TERF2: variants seen among roughly 807,000 people sequenced by gnomAD.
The protein encoded by TERF2 is telomeric repeat-binding factor 2.
A neutral mutation model predicts 56.1 loss-of-function variants in TERF2; 16 were observed. That is an observed-to-expected ratio of 0.29 (90% confidence interval 0.19 to 0.43). The LOEUF (loss-of-function observed/expected upper bound fraction) is 0.43, where lower values mean the gene tolerates loss of function less well. TERF2 is among the 20% of genes least tolerant of loss of function. The probability of loss-of-function intolerance (pLI) is 1.00; values close to 1 mark genes in which losing one functional copy is unlikely to be tolerated. For synonymous variants in TERF2, 296 were observed against 282.1 expected (o/e 1.05, Z -0.50); for missense variants, 547 against 712.9 (o/e 0.77, Z 2.65).
chr16:69,358,524 T>C (rs960940288), intron 8 of TERF2, among the ~76,000 whole-genome samples: 2 of 152,232 alleles, frequency 1.3e-5, no homozygotes, highest in South Asian at 2.1e-4. Flanking sequence ...CATATACATA[T>C]AGGTATTAGT....
intron 8 of TERF2, among the ~76,000 whole-genome samples, chr16:69,358,103 C>T (rs1265152783): frequency 1.3e-5 from 2 of 152,132 alleles, no homozygotes; most frequent in African/African-American, 4.8e-5. Context: ...AGCTCCGCCT[C>T]CCAGGCTCAC....
At chr16:69,367,226 T>C (rs574783684) in intron 6 of TERF2, 27 bp from the exon 7 acceptor site, 11 of 1,572,362 alleles carry the variant, frequency 7.0e-6, no homozygotes, top group South Asian at 7.0e-5. Context: ...GGCACAAAGA[T>C]GTTTTTCACC....
intron 1 of TERF2, 33 bp downstream of exon 1, chr16:69,385,560 G>GCGGC: frequency 3.3e-6 from 5 of 1,517,796 alleles, no homozygotes; most frequent in Non-Finnish European, 4.5e-6. Flanking sequence ...CTTCCCCGGC[G>GCGGC]CTCCAACCCC....
intron 1 of TERF2, 53 bp from the exon 2 acceptor site, chr16:69,385,539 C>T (rs746325050): frequency 4.4e-6 from 7 of 1,594,734 alleles, no homozygotes; most frequent in Non-Finnish European, 6.0e-6. Context: ...ACTCCCGGTC[C>T]CCCGGACCCC....
intron 8 of TERF2, among the ~76,000 whole-genome samples, chr16:69,358,850 C>T (rs561745066): frequency 6.6e-6 from 1 of 152,324 alleles, no homozygotes; most frequent in Admixed American, 6.5e-5. Context: ...GTCCTAATCC[C>T]CTTAATCTTA....
chr16:69,385,936 G>A lies in TERF2; in HGVS notation c.36C>T (p.Ser12=), dbSNP rs1228223349. ...CTGGGTCACGCACGACGCCCGGGCC[G>A]GAAGCGGGGCCCGCCGTCCCGGCTC... is the stretch of plus-strand genomic sequence containing the variant. The part of the protein sequence containing the change: ...AAGAGTAGPA[S]GPGVVRDPAA... Residue 12 remains serine, a synonymous_variant, in exon 1 of 10, where the codon TCC becomes TCT. Transcript: ENST00000254942. 1.5e-6 allele frequency: 2 copies of A among 1,366,230 alleles called. No individual in the cohort carries two copies. Among genetic ancestry groups the A allele is most frequent in the Non-Finnish European group, 1.9e-6 (2 of 1,058,740 alleles). The allele number at this position is 1,366,230 out of a possible 1,614,324, so 84.6% of individuals were successfully genotyped here. A position where few individuals can be genotyped will look rare whatever the true frequency, so the allele number is the denominator to read the frequency against.
chr16:69,361,154 G>A (rs930345114), intron 8 of TERF2, among the ~76,000 whole-genome samples: 2 of 151,572 alleles, frequency 1.3e-5, no homozygotes, highest in African/African-American at 4.9e-5. Context: ...GATCACTTGA[G>A]CCCAGAAGGT....
chr16:69,368,540 G>A, intron 5 of TERF2, 58 bp from the exon 6 acceptor site: 1 of 1,601,912 alleles, frequency 6.2e-7, no homozygotes, highest in Non-Finnish European at 8.5e-7. Flanking sequence ...TTAATTCTCT[G>A]CTTCTTTCAC....
chr16:69,359,496 C>T (rs1458572588), intron 8 of TERF2, among the ~76,000 whole-genome samples: 2 of 150,024 alleles, frequency 1.3e-5, no homozygotes, highest in African/African-American at 4.9e-5. Flanking sequence ...CCACTGCACC[C>T]CAGCCTGGGC....
At chr16:69,381,131 G>A (rs2013985917) in intron 3 of TERF2, among the ~76,000 whole-genome samples, 1 of 152,136 alleles carries the variant, frequency 6.6e-6, no homozygotes. Context: ...AATGTCAGTT[G>A]TTAATATTAC....
intron 5 of TERF2, chr16:69,368,695 G>T (rs1361773969): frequency 3.2e-6 from 4 of 1,247,096 alleles, no homozygotes; most frequent in African/African-American, 1.5e-5. Context: ...CATTTTTTTT[G>T]AGAGGGAGTC....
chr16:69,375,659 C>G (rs2013751892), intron 3 of TERF2, among the ~76,000 whole-genome samples: 1 of 152,056 alleles, frequency 6.6e-6, no homozygotes, highest in Non-Finnish European at 1.5e-5. Context: ...CTATATCACC[C>G]AGGCTGAACT....
At chr16:69,363,931 G>A (rs551143634) in intron 7 of TERF2, among the ~76,000 whole-genome samples, 33 of 152,072 alleles carry the variant, frequency 2.2e-4, no homozygotes, top group Non-Finnish European at 4.3e-4. Context: ...GCAGTGAGCC[G>A]AGATTGTGCC....
In TERF2 at chr16:69,383,124, C is replaced by T. The variant is rs185347356; in HGVS notation, c.606+1456G>A. The stretch of plus-strand genomic sequence containing the variant: ...CACAAAGACTCTTCCAGAAGAGGGG[C>T]CAGATGGCAAATCTATAGCCCTTGT... On this transcript the variant is annotated intron_variant, in intron 3 of 9. Transcript: ENST00000254942. 2.8e-3 allele frequency among the ~76,000 whole-genome samples: 420 copies of T among 152,188 alleles called. 1 individual carries two copies. Among genetic ancestry groups the T allele is most frequent in the African/African-American group, 9.5e-3 (393 of 41,538 alleles).
chr16:69,382,355 T>A (rs1057210094), intron 3 of TERF2, among the ~76,000 whole-genome samples: 4 of 152,256 alleles, frequency 2.6e-5, no homozygotes, highest in Non-Finnish European at 5.9e-5. Context: ...ACAGATTCCG[T>A]GACTGTAAAT....
Position 69,356,791 on chromosome 16 carries a change from C to T in TERF2, c.*107G>A, listed in dbSNP as rs2012920546. On this transcript the variant is annotated 3_prime_UTR_variant, in exon 10 of 10. Coordinates refer to ENST00000254942, the MANE Select transcript of TERF2 (RefSeq NM_005652.5). ...CTCCAGCCTGGGTGACAGAGCGAGACTCTGTCTCAAAAAAAAAAAAAAAAG... is the reference window on the plus strand; with the variant it reads ...CTCCAGCCTGGGTGACAGAGCGAGATTCTGTCTCAAAAAAAAAAAAAAAAG... The T allele has an allele frequency of 6.3e-6, 8 of 1,278,080 alleles. No homozygotes were observed. The South Asian group carries it at 1.2e-4, about 20-fold the overall frequency. 79.2% of individuals were successfully genotyped at this position (1,278,080 alleles called of 1,614,324 possible).
At chr16:69,369,556 C>T (rs2142734623) in intron 5 of TERF2, among the ~76,000 whole-genome samples, 1 of 152,260 alleles carries the variant, frequency 6.6e-6, no homozygotes, top group South Asian at 2.1e-4. Flanking sequence ...GCCTTGGCCT[C>T]CCAAAGTGCT....
intron 8 of TERF2, among the ~76,000 whole-genome samples, chr16:69,359,326 G>A (rs376498346): frequency 1.3e-5 from 2 of 151,990 alleles, no homozygotes; most frequent in East Asian, 1.9e-4. Flanking sequence ...TCAGGAGTTC[G>A]AGACTAGTCT....
At chr16:69,385,323 C>A in intron 2 of TERF2, 68 bp downstream of exon 2, 1 of 1,353,816 alleles carries the variant, frequency 7.4e-7, no homozygotes. Flanking sequence ...TCCTTCAGTT[C>A]TAGATATAAG....
Sources: gnomAD v4.1 joint callset for allele counts (sites outside exome capture counted in the v4.1 genomes callset) on GRCh38, gnomAD v4.1.1 for gene constraint, MANE v1.5 for transcripts, NCBI Gene and HGNC (gene_info 2026-07-23, HGNC 2026-07-21) for gene names.